The following NRG4 variants were observed in gnomAD, a reference collection of about 807,000 sequenced individuals.
The protein encoded by NRG4 is neuregulin 4.
A neutral mutation model predicts 15.0 loss-of-function variants in NRG4; 10 were observed. The observed-to-expected ratio is 0.67, with a 90% CI of 0.41 to 1.13. The LOEUF is 1.13. NRG4 is among the 50% of genes most tolerant of loss of function. The pLI is 0.00. For missense variants in NRG4, 139 were observed against 140.2 expected, an observed-to-expected ratio of 0.99 and a Z score of 0.04; for synonymous variants, 41 against 50.1, an observed-to-expected ratio of 0.82 and a Z score of 0.77.
At chr15:76,002,529 C>T (rs334941) in intron 3 of NRG4, among the ~76,000 whole-genome samples, 11,804 of 152,112 alleles carry the variant, frequency 0.078, 1,056 homozygotes, top group African/African-American at 0.22. Flanking sequence ...ATGGACTAAA[C>T]TGACTAAATC....
At chr15:76,041,647 T>C (rs1250602097) in intron 4 of NRG4, among the ~76,000 whole-genome samples, 3 of 152,158 alleles carry the variant, frequency 2.0e-5, no homozygotes, top group East Asian at 1.9e-4. Context: ...ATTTTAAATA[T>C]ATATGCACCC....
At chr15:76,018,490 T>C (rs145316915) in intron 5 of NRG4, among the ~76,000 whole-genome samples, 1 of 152,304 alleles carries the variant, frequency 6.6e-6, no homozygotes, top group East Asian at 1.9e-4. Context: ...TTTGATGTTG[T>C]GACCTTCGGA....
rs377247336 is a variant in NRG4, at chr15:75,977,640, G to A, written c.105-15666C>T. Among the ~76,000 whole-genome samples the A allele has an allele frequency of 2.6e-5, 4 of 152,172 alleles. No individual in the cohort carries two copies. The East Asian group carries it at 7.8e-4, about 30-fold the overall frequency. ...TGCTTCGGCTCACCCTCTGTGGGCT[G>A]CATCGACTGTCTAACCAGTCCCAGT... On this transcript the variant is annotated intron_variant, in intron 3 of 5. Transcript: ENST00000394907. This position sits in a 1 kb window ranked among gnomAD's most constrained non-coding sequence, Gnocchi z 4.9.
chr15:75,989,848 G>A (rs768141846), intron 3 of NRG4, among the ~76,000 whole-genome samples: 15 of 151,970 alleles, frequency 9.9e-5, no homozygotes, highest in African/African-American at 3.4e-4. Flanking sequence ...TTACATTTTT[G>A]AGTGCTAGAT....
intron 3 of NRG4, among the ~76,000 whole-genome samples, chr15:75,974,365 T>G (rs2033263602): frequency 6.6e-6 from 1 of 152,184 alleles, no homozygotes; most frequent in Admixed American, 6.5e-5. Flanking sequence ...CTCTATCTCT[T>G]TCTGTTCTGC....
chr15:76,027,270 A>G (rs577305106), intron 5 of NRG4, among the ~76,000 whole-genome samples: 14 of 152,316 alleles, frequency 9.2e-5, no homozygotes, highest in Admixed American at 6.5e-4. Flanking sequence ...ACAAGCAGGA[A>G]TATCTATATT....
chr15:75,945,271 TTTA>T (rs1352193501), intron 5 of NRG4, among the ~76,000 whole-genome samples: 4 of 18,682 alleles, frequency 2.1e-4, no homozygotes, highest in Non-Finnish European at 2.8e-4. Context: ...TTATTTTTAT[TTTA>T]TTTTTTTTGT....
chr15:75,992,835 T>G (rs980004157), intron 3 of NRG4, among the ~76,000 whole-genome samples: 6 of 152,188 alleles, frequency 3.9e-5, no homozygotes, highest in African/African-American at 1.2e-4. Context: ...GTTGTAGTAA[T>G]ATATAACAGT....
chr15:75,991,440 G>C (rs2034012997), intron 3 of NRG4, among the ~76,000 whole-genome samples: 1 of 152,168 alleles, frequency 6.6e-6, no homozygotes, highest in Non-Finnish European at 1.5e-5. Flanking sequence ...ATAGTTTGCT[G>C]ATCTTTGCCC....
At chr15:75,938,947 T>C (rs2030658825), downstream of NRG4, 1 of 152,116 alleles carries the variant, frequency 6.6e-6, no homozygotes, top group Admixed American at 6.5e-5. Context: ...ATTTATAGGA[T>C]GCAGTGAAAG....
intron 4 of NRG4, among the ~76,000 whole-genome samples, chr15:76,049,275 T>A (rs1027202053): frequency 6.6e-6 from 1 of 150,662 alleles, no homozygotes; most frequent in Non-Finnish European, 1.5e-5. Flanking sequence ...ATCCTTAACA[T>A]CTCCTTGCTT....
At chr15:76,033,552 CCAGTT>C (rs1224402567) in intron 5 of NRG4, among the ~76,000 whole-genome samples, 2 of 152,140 alleles carry the variant, frequency 1.3e-5, no homozygotes, top group Non-Finnish European at 2.9e-5. Context: ...AACAGTCAAC[CCAGTT>C]CACAGTAGCA....
At chr15:76,043,306 G>A (rs1412345885) in intron 4 of NRG4, among the ~76,000 whole-genome samples, 1 of 151,976 alleles carries the variant, frequency 6.6e-6, no homozygotes, top group Non-Finnish European at 1.5e-5. Flanking sequence ...TAGAGCAATA[G>A]GACAAGAGAA....
intron 3 of NRG4, among the ~76,000 whole-genome samples, chr15:75,969,967 A>T (rs1416010234): frequency 1.3e-5 from 2 of 152,346 alleles, no homozygotes; most frequent in East Asian, 3.9e-4. Flanking sequence ...TATGGTGCCA[A>T]AAGTCAAAGT....
At chr15:76,014,099 A>T (rs1160827702), upstream of NRG4, among the ~76,000 whole-genome samples, 2 of 152,120 alleles carry the variant, frequency 1.3e-5, no homozygotes, top group Non-Finnish European at 2.9e-5. Context: ...ACCAGTGATG[A>T]TGAGCTTTTT....
upstream of NRG4, chr15:76,059,881 C>T (rs987153131): frequency 4.1e-5 from 6 of 145,232 alleles, no homozygotes; most frequent in Admixed American, 6.8e-5. Context: ...GCGCGCGCCC[C>T]CGAGCGCGGT....
intron 4 of NRG4, among the ~76,000 whole-genome samples, chr15:75,961,134 A>G (rs2032495386): frequency 1.3e-5 from 2 of 152,204 alleles, no homozygotes; most frequent in Non-Finnish European, 2.9e-5. Context: ...TGTGAGTTTC[A>G]TAAATATTAA....
chr15:76,026,888 C>T (rs1014715665), intron 5 of NRG4, among the ~76,000 whole-genome samples: 25 of 152,054 alleles, frequency 1.6e-4, no homozygotes, highest in African/African-American at 5.3e-4. Flanking sequence ...TTTGTGAGGC[C>T]AAGGTGGGTG....
upstream of NRG4, chr15:76,060,008 G>A (rs555269510): frequency 2.1e-4 from 31 of 151,022 alleles, no homozygotes; most frequent in Non-Finnish European, 1.5e-5. Flanking sequence ...TCCCGAGCCC[G>A]GGCAGCAGGT....
Sources: gnomAD v4.1 joint callset for allele counts (sites outside exome capture counted in the v4.1 genomes callset) on GRCh38, gnomAD v4.1.1 for gene constraint, Gnocchi (gnomAD v3.1) non-coding constraint, MANE v1.5 for transcripts, NCBI Gene and HGNC (gene_info 2026-07-23, HGNC 2026-07-21) for gene names.